The following INF2 variants were observed in gnomAD, a reference collection of about 807,000 sequenced individuals.
INF2 encodes inverted formin 2.
A neutral mutation model predicts 123.5 loss-of-function variants in INF2; 43 were observed. The observed-to-expected ratio is 0.35, with a 90% CI of 0.27 to 0.45. The LOEUF (loss-of-function observed/expected upper bound fraction) is 0.45. Ranked by LOEUF, INF2 falls within the 20% of genes least tolerant of loss-of-function variation. The pLI, the probability that INF2 is intolerant of heterozygous loss-of-function variation, is 1.00. For missense variants in INF2, 1,453 were observed against 1,682.7 expected (o/e 0.86, Z 2.39); for synonymous variants, 851 against 745.0 (o/e 1.14, Z -2.32).
chr14:104,705,371 C>T (rs1350625035), intron 5 of INF2, among the ~76,000 whole-genome samples: 5 of 151,854 alleles, frequency 3.3e-5, no homozygotes, highest in Non-Finnish European at 7.4e-5. Context: ...GAGCTGAGAT[C>T]GTACCACTGC....
In INF2 at chr14:104,713,235, C is replaced by T. The variant is rs781494318; in HGVS notation, c.2804C>T (p.Ala935Val). 66 of 1,553,336 alleles carry T rather than the reference C, an allele frequency of 4.2e-5. No individual in the cohort carries two copies. Among genetic ancestry groups the T allele is most frequent in the Middle Eastern group, 2.1e-4 (1 of 4,722 alleles). The change falls in exon 19 of 23, where the codon GCG (alanine) becomes GTG (valine). Residue 935 changes from alanine to valine, a missense_variant. Coordinates refer to ENST00000392634, the MANE Select transcript of INF2 (RefSeq NM_022489.4). The part of the protein sequence containing the change: ...KENKDRKEQA[A>V]KAERRKQQLA... Reference sequence around the variant, plus strand: ...AACAAGGACCGGAAGGAGCAGGCGGCGAAGGCAGAGAGGAGGAAGCAGCAG... The same window carrying T: ...AACAAGGACCGGAAGGAGCAGGCGGTGAAGGCAGAGAGGAGGAAGCAGCAG...
chr14:104,681,949 T>C (rs943599888), intron 1 of INF2, among the ~76,000 whole-genome samples: 1 of 151,980 alleles, frequency 6.6e-6, no homozygotes, highest in Non-Finnish European at 1.5e-5. Flanking sequence ...AGGGGAGCTG[T>C]CACTCTCCCA....
chr14:104,715,741 A>G, intron 22 of INF2: 1 of 508,782 alleles, frequency 2.0e-6, no homozygotes, highest in East Asian at 5.3e-5. Flanking sequence ...AGTTCCAGTA[A>G]CCCTGTGGCT....
intron 5 of INF2, among the ~76,000 whole-genome samples, chr14:104,705,721 C>T (rs1889750518): frequency 1.3e-5 from 2 of 152,224 alleles, no homozygotes; most frequent in Admixed American, 6.5e-5. Flanking sequence ...CATTGTGTGC[C>T]ACCTCCCCAG....
chr14:104,701,374 GA>G lies in INF2; in HGVS notation c.11del (p.Lys4ArgfsTer11). On this transcript the variant is annotated frameshift_variant, in exon 2 of 23. Coordinates refer to ENST00000392634, the MANE Select transcript of INF2 (RefSeq NM_022489.4). LOFTEE classifies it high-confidence loss of function. The part of the protein sequence containing the change: MSV[K>X]EGAQRKWAAL... ...GCCTGCAGCTCGGCAAGATGTCGGT[GA>G]AGGAGGGCGCACAGCGCAAGTGGGC... The G allele has an allele frequency of 1.3e-6, 2 of 1,582,986 alleles. No individual in the cohort carries two copies. Among genetic ancestry groups the G allele is most frequent in the Non-Finnish European group, 1.7e-6 (2 of 1,163,778 alleles).
At chr14:104,713,120 C>T (rs1890130340) in intron 18 of INF2, 87 bp from the exon 19 acceptor site, 15 of 1,606,260 alleles carry the variant, frequency 9.3e-6, no homozygotes, top group Non-Finnish European at 1.3e-5. Context: ...CCCTGCGCTG[C>T]TGCGGCTCAG....
In INF2 at chr14:104,707,764, C is replaced by A; in HGVS notation, c.1497C>A (p.Cys499Ter). Residue 499 changes from cysteine (C) to a stop codon, truncating the protein, a stop_gained, in exon 8 of 23, where the codon TGC (cysteine) becomes TGA (stop). Coordinates refer to ENST00000392634, the MANE Select transcript of INF2 (RefSeq NM_022489.4). LOFTEE classifies it high-confidence loss of function. ...PPPPPLPGLG[C>*]PPPPPPLLPG... ...CTCCACCACTCCCGGGCTTGGGATG[C>A]CCGCCCCCACCCCCACCCCTGCTGC... 5.7e-6 allele frequency: 4 copies of A among 696,568 alleles called. No individual in the cohort carries two copies. The highest frequency in any genetic ancestry group is 9.6e-6 in the Non-Finnish European group (4 of 418,166). 43.1% of individuals were successfully genotyped at this position (696,568 alleles called of 1,614,324 possible).
intron 1 of INF2, among the ~76,000 whole-genome samples, chr14:104,697,378 A>G (rs1200762355): frequency 3.3e-5 from 5 of 152,116 alleles, no homozygotes; most frequent in Non-Finnish European, 4.4e-5. Context: ...GCTCAGAACC[A>G]TGGGCCCATG....
At chr14:104,689,401 G>A (rs1318550696), upstream of INF2, among the ~76,000 whole-genome samples, 1 of 152,158 alleles carries the variant, frequency 6.6e-6, no homozygotes, top group Non-Finnish European at 1.5e-5. Context: ...CAGGAGCCAG[G>A]CCAGCAGGGA....
chr14:104,681,763 G>A (rs1888528066), intron 1 of INF2, among the ~76,000 whole-genome samples: 1 of 152,388 alleles, frequency 6.6e-6, no homozygotes, highest in East Asian at 1.9e-4. Context: ...GAGGCAGGGT[G>A]GGCGGGGCAG....
chr14:104,718,362 G>C (rs899468165), intron 22 of INF2, among the ~76,000 whole-genome samples: 1 of 152,206 alleles, frequency 6.6e-6, no homozygotes. Context: ...AGGGCTGAGC[G>C]CCCTCAGCAG....
rs1478553488 is a variant in INF2 at position 104,707,993 on chromosome 14, G to A, written c.1726G>A (p.Val576Met). The change falls in exon 8 of 23, where the codon GTG becomes ATG. Residue 576 changes from valine (V) to methionine (M), a missense_variant. This residue lies in a region of INF2 where 192 missense variants were observed against 274.4 expected (regional missense o/e 0.70). Coordinates refer to ENST00000392634, the MANE Select transcript of INF2 (RefSeq NM_022489.4). Reference sequence around the variant, plus strand: ...GAACTGGCAGAAGCTGCCATCCAACGTGGCACGTGGTGAGGGTCCCCAGAC... The same window carrying A: ...GAACTGGCAGAAGCTGCCATCCAACATGGCACGTGGTGAGGGTCCCCAGAC... Reference protein sequence around the residue: ...KLNWQKLPSNVAREHNSMWAS... With the variant: ...KLNWQKLPSNMAREHNSMWAS... 6.3e-6 allele frequency: 10 copies of A among 1,598,062 alleles called. No individual in the cohort carries two copies. The highest frequency in any genetic ancestry group is 4.5e-5 in the East Asian group (2 of 44,856).
intron 2 of INF2, among the ~76,000 whole-genome samples, chr14:104,702,779 G>C (rs1252307388): frequency 6.6e-6 from 1 of 152,222 alleles, no homozygotes; most frequent in Non-Finnish European, 1.5e-5. Context: ...GGAGGCAGGG[G>C]TTCATAGGAA....
At chr14:104,682,207 C>G (rs751027737) in intron 1 of INF2, among the ~76,000 whole-genome samples, 2 of 152,096 alleles carry the variant, frequency 1.3e-5, no homozygotes, top group South Asian at 2.1e-4. Flanking sequence ...GCCGGGCGCT[C>G]AGGAAGATGC....
At chr14:104,703,743 G>T (rs1889644250) in intron 4 of INF2, among the ~76,000 whole-genome samples, 173 bp from the exon 5 acceptor site, 1 of 152,258 alleles carries the variant, frequency 6.6e-6, no homozygotes, top group South Asian at 2.1e-4. Context: ...CTGGCAGTGA[G>T]CCCTGAGTAA....
chr14:104,709,136 G>T, intron 10 of INF2, 145 bp from the exon 11 acceptor site: 1 of 662,136 alleles, frequency 1.5e-6, no homozygotes, highest in Non-Finnish European at 2.7e-6. Context: ...CGTGACCGTG[G>T]GCAACAACTC....
intron 22 of INF2, among the ~76,000 whole-genome samples, chr14:104,716,890 C>T (rs1395119849): frequency 2.0e-5 from 3 of 152,148 alleles, no homozygotes; most frequent in African/African-American, 7.2e-5. Flanking sequence ...CAGGGTTTCA[C>T]CATGTTGGTC....
Position 104,708,572 on chromosome 14 carries a change from G to A in INF2, c.1872G>A (p.Arg624=). ...KEPTMVAPRA[R]KEPKEITFLD... ...CCACCATGGTGGCCCCCCGGGCCAG[G>A]AAGGAGCCCAAGGAGGTGGGGACGG... The change falls in exon 9 of 23, where the codon AGG becomes AGA. Residue 624 remains arginine (R), a synonymous_variant. Transcript: ENST00000392634. The A allele has an allele frequency of 6.2e-7, 1 of 1,612,566 alleles. No homozygotes were observed. The highest frequency in any genetic ancestry group is 1.3e-5 in the African/African-American group (1 of 75,046).
intron 6 of INF2, 92 bp from the exon 7 acceptor site, chr14:104,706,818 A>C (rs1889800064): frequency 6.9e-7 from 1 of 1,438,970 alleles, no homozygotes; most frequent in African/African-American, 1.4e-5. Context: ...AGAGGGGGTG[A>C]TGGGGCTGGA....
Sources: allele counts gnomAD v4.1 joint callset (sites outside exome capture counted in the v4.1 genomes callset), GRCh38; gene constraint gnomAD v4.1.1; regional missense constraint gnomAD v4.1.1; transcripts MANE v1.5; gene names NCBI Gene and HGNC (gene_info 2026-07-23, HGNC 2026-07-21).